The following TMPRSS9 variants were observed in gnomAD, a reference collection of about 807,000 sequenced individuals.
The protein encoded by TMPRSS9 is transmembrane protease serine 9.
In TMPRSS9, 113 loss-of-function variants were observed where a neutral mutation model predicts 111.4. The ratio of observed to expected loss-of-function variants is 1.01; its 90% CI spans 0.87 to 1.19. The LOEUF is 1.19. TMPRSS9 is among the 50% of genes most tolerant of loss of function. TMPRSS9 has a pLI of 0.00. For synonymous variants in TMPRSS9, 805 were observed against 659.1 expected (o/e 1.22, Z -3.39); for missense variants, 1,803 against 1,513.1 (o/e 1.19, Z -3.18).
chr19:2,374,901 C>T (rs965920872), intron 1 of TMPRSS9, among the ~76,000 whole-genome samples: 1 of 152,032 alleles, frequency 6.6e-6, no homozygotes, highest in Non-Finnish European at 1.5e-5. Context: ...AGTTCCTGCT[C>T]TCCGCTTCGG....
upstream of TMPRSS9, among the ~76,000 whole-genome samples, chr19:2,385,232 G>A (rs1380754139): frequency 2.0e-5 from 3 of 150,112 alleles, no homozygotes; most frequent in Non-Finnish European, 4.4e-5. Flanking sequence ...GGCGGGGCTC[G>A]CACAGGGCTT....
Position 2,414,473 on chromosome 19 carries a change from C to A in TMPRSS9, c.1573+455C>A, listed in dbSNP as rs117568501. 1.8e-3 allele frequency among the ~76,000 whole-genome samples: 271 copies of A among 152,134 alleles called. 4 individuals carry two copies. The East Asian group carries it at 0.04, about 22-fold the overall frequency. On this transcript the variant is annotated intron_variant, in intron 10 of 17. Transcript: ENST00000648592. Reference sequence around the variant, plus strand: ...CAGGCTGGCCTCGAACTCCTGACTTCATCATCTGCCCACCTCAGCCTCCCA... The same window carrying A: ...CAGGCTGGCCTCGAACTCCTGACTTAATCATCTGCCCACCTCAGCCTCCCA...
At chr19:2,401,688 A>C (rs1319092394) in intron 4 of TMPRSS9, among the ~76,000 whole-genome samples, 1 of 149,448 alleles carries the variant, frequency 6.7e-6, no homozygotes, top group Non-Finnish European at 1.5e-5. Flanking sequence ...GCTCACTGCA[A>C]CCTCTGCCTC....
chr19:2,374,728 G>T (rs73919618), intron 1 of TMPRSS9, among the ~76,000 whole-genome samples: 1 of 151,912 alleles, frequency 6.6e-6, no homozygotes, highest in Non-Finnish European at 1.5e-5. Context: ...TCTGACCACC[G>T]GCTGGCTCTG....
At chr19:2,421,684 A>G (rs537388809) in intron 13 of TMPRSS9, among the ~76,000 whole-genome samples, 170 bp from the exon 15 acceptor site, 3 of 152,322 alleles carry the variant, frequency 2.0e-5, no homozygotes, top group African/African-American at 4.8e-5. Context: ...GACTCACTCC[A>G]GGTCACACAG....
At chr19:2,412,282 T>C in intron 9 of TMPRSS9, among the ~76,000 whole-genome samples, 1 of 152,058 alleles carries the variant, frequency 6.6e-6, no homozygotes, top group Non-Finnish European at 1.5e-5. Flanking sequence ...TGCATGCCTG[T>C]AGTCCCAGCT....
chr19:2,410,205 G>A (rs1266865631), intron 8 of TMPRSS9, 53 bp from the exon 10 acceptor site: 16 of 1,603,096 alleles, frequency 1.0e-5, no homozygotes, highest in Non-Finnish European at 1.3e-5. Flanking sequence ...AGCTCAAAGT[G>A]GCTGCCAGGG....
intron 7 of TMPRSS9, among the ~76,000 whole-genome samples, chr19:2,406,989 G>A (rs1240449711): frequency 2.0e-5 from 3 of 151,024 alleles, no homozygotes; most frequent in African/African-American, 4.9e-5. Flanking sequence ...TAGTAGAGAC[G>A]TGGTTTTGCC....
In TMPRSS9 at chr19:2,368,790, T is replaced by TTTTTTTTTG. The variant is rs1384185787; in HGVS notation, c.-26+8438_-26+8439insGTTTTTTTT. On this transcript the variant is annotated intron_variant, in intron 1 of 17. Transcript: ENST00000649857. ...ATAAACCCAGTTTTTTTTTTTTTTT[T>TTTTTTTTTG]TTTTTTTTTTTAAAGACAGAGTCTC... Among the ~76,000 whole-genome samples the TTTTTTTTTG allele has an allele frequency of 5.0e-4, 59 of 117,102 alleles. 4 individuals are homozygous for TTTTTTTTTG. Among genetic ancestry groups the TTTTTTTTTG allele is most frequent in the African/African-American group, 2.1e-3 (53 of 25,094 alleles). 76.8% of individuals were successfully genotyped at this position (117,102 alleles called of 152,430 possible). A position where few individuals can be genotyped will look rare whatever the true frequency, so the allele number is the denominator to read the frequency against.
upstream of TMPRSS9, among the ~76,000 whole-genome samples, chr19:2,384,817 A>G (rs892483278): frequency 6.8e-6 from 1 of 146,106 alleles, no homozygotes; most frequent in African/African-American, 2.7e-5. Context: ...TCCGTCAAAA[A>G]AAAAAAAAAA....
chr19:2,425,416 C>A, exon 17 of TMPRSS9: 1 of 1,580,426 alleles, frequency 6.3e-7, no homozygotes, highest in Non-Finnish European at 8.5e-7. Flanking sequence ...GCAGACCTGC[C>A]GCCGCTTCTA....
intron 14 of TMPRSS9, among the ~76,000 whole-genome samples, chr19:2,422,580 A>T (rs1470931491): frequency 1.3e-5 from 2 of 151,872 alleles, no homozygotes; most frequent in African/African-American, 2.4e-5. Context: ...GTCTCAAAAA[A>T]GAAAAAGACA....
chr19:2,406,148 A>C (rs11084938), intron 7 of TMPRSS9, among the ~76,000 whole-genome samples: 53,914 of 141,716 alleles, frequency 0.38, 10,951 homozygotes, highest in African/African-American at 0.59. Flanking sequence ...GTAGCTGGGA[A>C]TACAGGCGCC....
upstream of TMPRSS9, among the ~76,000 whole-genome samples, chr19:2,387,219 G>A (rs945905871): frequency 6.6e-6 from 1 of 152,136 alleles, no homozygotes; most frequent in Non-Finnish European, 1.5e-5. Flanking sequence ...GTGAGGCTGG[G>A]TGAGGTGGCT....
intron 8 of TMPRSS9, 85 bp from the exon 10 acceptor site, chr19:2,410,173 A>T: frequency 6.4e-7 from 1 of 1,564,580 alleles, no homozygotes; most frequent in Non-Finnish European, 8.7e-7. Flanking sequence ...AGGCTTGGAG[A>T]GGAGCTGTCC....
upstream of TMPRSS9, among the ~76,000 whole-genome samples, chr19:2,389,022 A>G (rs1401154452): frequency 6.7e-6 from 1 of 150,116 alleles, no homozygotes; most frequent in East Asian, 2.0e-4. Flanking sequence ...GACCGCAGCG[A>G]CCCACGGGAG....
chr19:2,386,490 G>A (rs1970480321), upstream of TMPRSS9, among the ~76,000 whole-genome samples: 1 of 148,330 alleles, frequency 6.7e-6, no homozygotes, highest in Admixed American at 6.8e-5. Flanking sequence ...GGGTGACAGA[G>A]CAAGACTCCG....
intron 1 of TMPRSS9, among the ~76,000 whole-genome samples, chr19:2,390,778 G>C (rs1043760470): frequency 6.0e-5 from 9 of 150,946 alleles, no homozygotes; most frequent in African/African-American, 1.7e-4. Flanking sequence ...GCTTGAACCT[G>C]GGAGGCAGAG....
chr19:2,410,479 G>T, intron 9 of TMPRSS9, 85 bp downstream of exon 10: 9 of 1,527,920 alleles, frequency 5.9e-6, no homozygotes, highest in Non-Finnish European at 7.9e-6. Context: ...CAGATATCTG[G>T]ATGCCCGCTG....
Sources: gnomAD v4.1 joint callset for allele counts (sites outside exome capture counted in the v4.1 genomes callset) on GRCh38, gnomAD v4.1.1 for gene constraint, MANE v1.5 for transcripts, NCBI Gene and HGNC (gene_info 2026-07-23, HGNC 2026-07-21) for gene names.